NSD2: variants seen among roughly 807,000 people sequenced by gnomAD.
The protein encoded by NSD2 is histone-lysine N-methyltransferase NSD2.
In NSD2, 12 loss-of-function variants were observed where a neutral mutation model predicts 139.0. That is an observed-to-expected ratio of 0.09 (90% CI 0.06 to 0.14). The LOEUF is 0.14. Ranked by LOEUF, NSD2 falls within the 10% of genes least tolerant of loss-of-function variation. The pLI is 1.00. For missense variants in NSD2, 1,155 were observed against 1,745.0 expected (o/e 0.66, Z 6.02); for synonymous variants, 669 against 648.7 (o/e 1.03, Z -0.48).
chr4:1,922,510 T>G (rs533246779), intron 5 of NSD2, among the ~76,000 whole-genome samples: 1 of 152,380 alleles, frequency 6.6e-6, no homozygotes, highest in Non-Finnish European at 1.5e-5. Flanking sequence ...TCAGTATAAT[T>G]CTAATAAAAC....
intron 9 of NSD2, chr4:1,941,366 A>G: frequency 9.5e-7 from 1 of 1,051,594 alleles, no homozygotes; most frequent in Non-Finnish European, 1.1e-6. Flanking sequence ...GCCTGCTGAG[A>G]TCTTCTCTGT....
intron 9 of NSD2, among the ~76,000 whole-genome samples, chr4:1,950,295 C>A (rs1366097510): frequency 6.6e-6 from 1 of 152,170 alleles, no homozygotes; most frequent in Non-Finnish European, 1.5e-5. Flanking sequence ...GAGAGAGAGG[C>A]AGAAGAGATA....
chr4:1,890,964 G>A (rs1320959923), intron 1 of NSD2, among the ~76,000 whole-genome samples: 1 of 151,928 alleles, frequency 6.6e-6, no homozygotes, highest in East Asian at 1.9e-4. Flanking sequence ...CGTGATCTTG[G>A]CTCACTGCAG....
At position 1,958,587 on chromosome 4, in the gene NSD2, C is replaced by T. The variant is rs1179947411; in HGVS notation, c.2985+551C>T. On this transcript the variant is annotated intron_variant, in intron 16 of 21. Coordinates refer to ENST00000508803, the MANE Select transcript of NSD2 (RefSeq NM_001042424.3). This position sits in a 1 kb window ranked among gnomAD's most constrained non-coding sequence, Gnocchi z 4.6. Reference sequence around the variant, plus strand: ...CAGAGCTGGTGCGGCAAGCCGCATCCCCAGGAGCCTCGTGGCCGTTCCTGA... The same window carrying T: ...CAGAGCTGGTGCGGCAAGCCGCATCTCCAGGAGCCTCGTGGCCGTTCCTGA... 1.3e-5 allele frequency among the ~76,000 whole-genome samples: 2 copies of T among 152,252 alleles called. No individual in the cohort carries two copies. Among genetic ancestry groups the T allele is most frequent in the African/African-American group, 4.8e-5 (2 of 41,470 alleles).
chr4:1,915,573 G>T (rs1490749439), intron 3 of NSD2, among the ~76,000 whole-genome samples: 2 of 152,232 alleles, frequency 1.3e-5, no homozygotes, highest in South Asian at 4.1e-4. Flanking sequence ...GTGTGTTTTG[G>T]ATTCATTCAT....
At chr4:1,978,170 C>T (rs1298611112) in intron 21 of NSD2, among the ~76,000 whole-genome samples, 1 of 152,132 alleles carries the variant, frequency 6.6e-6, no homozygotes, top group African/African-American at 2.4e-5. Flanking sequence ...CATTTTTGTA[C>T]GGTAAAGATG....
At chr4:1,940,346 G>C in intron 9 of NSD2, 1 of 1,068,740 alleles carries the variant, frequency 9.4e-7, no homozygotes, top group Non-Finnish European at 1.1e-6. Context: ...ATTGTAATAT[G>C]ACTCCTGTGT....
chr4:1,942,078 T>C lies in NSD2; in HGVS notation c.1881+2300T>C, dbSNP rs1304475163. On this transcript the variant is annotated intron_variant, in intron 9 of 21. Transcript: ENST00000508803. This position sits in a 1 kb window ranked among gnomAD's most constrained non-coding sequence, Gnocchi z 4.0. Reference sequence around the variant, plus strand: ...ATTTGTTTGAAATAAGGTACTTTTATAGGGTTGGTATTTCAGAACACTTTA... The same window carrying C: ...ATTTGTTTGAAATAAGGTACTTTTACAGGGTTGGTATTTCAGAACACTTTA... 5.1e-5 allele frequency: 61 copies of C among 1,190,166 alleles called. No individual in the cohort carries two copies. The highest frequency in any genetic ancestry group is 8.4e-5 in the Admixed American group (2 of 23,780). 73.7% of individuals were successfully genotyped at this position (1,190,166 alleles called of 1,614,324 possible).
chr4:1,944,323 G>C (rs1019742310), intron 9 of NSD2: 77 of 1,065,994 alleles, frequency 7.2e-5, no homozygotes, highest in Middle Eastern at 8.2e-4. Flanking sequence ...CCATTGGCTT[G>C]CCAAGAGTAC....
At chr4:1,952,935 T>C (rs1029229577) in intron 11 of NSD2, 12 of 1,422,496 alleles carry the variant, frequency 8.4e-6, no homozygotes, top group East Asian at 5.1e-5. Flanking sequence ...ACCTCACTTA[T>C]GGGAGTGTCT....
intron 17 of NSD2, among the ~76,000 whole-genome samples, chr4:1,960,174 A>G (rs1725229766): frequency 6.6e-6 from 1 of 152,188 alleles, no homozygotes; most frequent in Non-Finnish European, 1.5e-5. Context: ...TATTTTTTTG[A>G]ATTGAATTAT....
At position 1,958,122 on chromosome 4, in the gene NSD2, C is replaced by T; in HGVS notation, c.2985+86C>T. On this transcript the variant is annotated intron_variant, in intron 16 of 21. Transcript: ENST00000508803. The surrounding 1 kb of genome is among the most constrained non-coding windows in gnomAD (Gnocchi z 4.6). Reference sequence around the variant, plus strand: ...GTTCTTAGGCACACCCAGGCTATGGCTGGGGAGAGGACTGTCACCAGCCAG... The same window carrying T: ...GTTCTTAGGCACACCCAGGCTATGGTTGGGGAGAGGACTGTCACCAGCCAG... The T allele has an allele frequency of 3.6e-6, 5 of 1,369,942 alleles. No individual in the cohort carries two copies. The highest frequency in any genetic ancestry group is 5.1e-6 in the Non-Finnish European group (5 of 980,270). The allele number at this position is 1,369,942 out of a possible 1,614,324, so 84.9% of individuals were successfully genotyped here.
intron 3 of NSD2, among the ~76,000 whole-genome samples, chr4:1,909,919 G>A (rs796963495): frequency 5.9e-5 from 9 of 151,492 alleles, no homozygotes; most frequent in African/African-American, 2.2e-4. Context: ...GATTACAGGC[G>A]TGAGTCACCG....
In NSD2 at chr4:1,896,589, C is replaced by A. The variant is rs113099294; in HGVS notation, c.-29-4037C>A. On this transcript the variant is annotated intron_variant, in intron 1 of 21. Coordinates refer to ENST00000508803, the MANE Select transcript of NSD2 (RefSeq NM_001042424.3). ...CTATGCTGCCCAGGCTCATCTCAAA[C>A]TGCTGGGTTCAAGCAATCCTCCCTC... Among the ~76,000 whole-genome samples the A allele has an allele frequency of 4.3e-3, 655 of 152,252 alleles. 4 individuals carry two copies. The highest frequency in any genetic ancestry group is 0.015 in the African/African-American group (631 of 41,544).
chr4:1,900,472 AACT>A, intron 1 of NSD2, 151 bp from the exon 2 acceptor site: 6 of 483,834 alleles, frequency 1.2e-5, no homozygotes, highest in Non-Finnish European at 1.8e-5. Context: ...GTGATACTAA[AACT>A]GCCTTCTGTG....
chr4:1,921,319 C>T (rs1720086088), intron 5 of NSD2, among the ~76,000 whole-genome samples: 1 of 151,040 alleles, frequency 6.6e-6, no homozygotes, highest in African/African-American at 2.4e-5. Flanking sequence ...ATAAGCTGGG[C>T]ATGGTGGCGT....
chr4:1,894,459 G>A (rs566353798), intron 1 of NSD2, among the ~76,000 whole-genome samples: 2 of 152,166 alleles, frequency 1.3e-5, no homozygotes, highest in African/African-American at 4.8e-5. Context: ...CACTTTGGGA[G>A]TCCAGGAGTT....
rs201138525 is a variant in NSD2, at chr4:1,961,175, C to T, written c.3372+24C>T. On this transcript the variant is annotated intron_variant, in intron 18 of 21. Coordinates refer to ENST00000508803, the MANE Select transcript of NSD2 (RefSeq NM_001042424.3). The stretch of plus-strand genomic sequence containing the variant: ...AGGTAATGCGGAACTCCACTGTGAG[C>T]TTCTGCAGTGTGCTGGACCTGGAGC... 1.1e-5 allele frequency: 18 copies of T among 1,567,622 alleles called. 1 individual carries two copies. The East Asian group carries it at 3.6e-4, about 32-fold the overall frequency.
intron 6 of NSD2, among the ~76,000 whole-genome samples, chr4:1,934,553 A>C (rs1302746831): frequency 1.3e-5 from 2 of 151,562 alleles, no homozygotes; most frequent in African/African-American, 4.8e-5. Context: ...TTAATACATT[A>C]AATTATAATT....
Sources: gnomAD v4.1 joint callset for allele counts (sites outside exome capture counted in the v4.1 genomes callset) on GRCh38, gnomAD v4.1.1 for gene constraint, Gnocchi (gnomAD v3.1) non-coding constraint, MANE v1.5 for transcripts, NCBI Gene and HGNC (gene_info 2026-07-23, HGNC 2026-07-21) for gene names.